The following SENP1 variants were observed in gnomAD, a reference collection of about 807,000 sequenced individuals.
The protein encoded by SENP1 is SUMO specific peptidase 1.
In SENP1, 21 loss-of-function variants were observed where a neutral mutation model predicts 93.0. That is an observed-to-expected ratio of 0.23 (90% confidence interval 0.16 to 0.33). The LOEUF (loss-of-function observed/expected upper bound fraction) is 0.33. SENP1 is among the 10% of genes least tolerant of loss of function. SENP1 has a pLI of 1.00. For synonymous variants in SENP1, 256 were observed against 259.6 expected (o/e 0.99, Z 0.13); for missense variants, 591 against 758.7 (o/e 0.78, Z 2.60).
At chr12:48,049,224 G>T in intron 13 of SENP1, 92 bp from the exon 14 acceptor site, 2 of 905,542 alleles carry the variant, frequency 2.2e-6, no homozygotes, top group Non-Finnish European at 1.8e-6. Flanking sequence ...ATATGTAATT[G>T]TTTCCTAATA....
At chr12:48,095,719 C>T (rs1945514932) in intron 4 of SENP1, among the ~76,000 whole-genome samples, 1 of 152,020 alleles carries the variant, frequency 6.6e-6, no homozygotes, top group Admixed American at 6.6e-5. Flanking sequence ...TTTCTCAAGG[C>T]AGGGGCAGAA....
intron 5 of SENP1, chr12:48,085,006 T>TG (rs1944752274): frequency 1.2e-6 from 1 of 836,858 alleles, no homozygotes; most frequent in Admixed American, 2.9e-5. Flanking sequence ...GTGTTAAGAA[T>TG]GGGGAAATGA....
chr12:48,102,696 T>C (rs780055776), intron 1 of SENP1, among the ~76,000 whole-genome samples: 23 of 151,128 alleles, frequency 1.5e-4, no homozygotes, highest in Admixed American at 3.3e-4. Flanking sequence ...GCATTCTTTG[T>C]GGTCACAATA....
chr12:48,045,402 C>CA lies in SENP1; in HGVS notation c.1873-19dup. On this transcript the variant is annotated intron_variant, in intron 17 of 17. Transcript: ENST00000549518. Reference sequence around the variant, plus strand: ...ATGTGTTGCTGTAGGGACACAGAGACACCCTTAATTTTCAATGCTTTTGTC... The same window carrying CA: ...ATGTGTTGCTGTAGGGACACAGAGACAACCCTTAATTTTCAATGCTTTTGTC... The CA allele has an allele frequency of 1.2e-6, 2 of 1,611,674 alleles. No homozygotes were observed. Among genetic ancestry groups the CA allele is most frequent in the Non-Finnish European group, 1.7e-6 (2 of 1,177,956 alleles).
chr12:48,045,253 A>C lies in SENP1; in HGVS notation c.*69T>G, dbSNP rs1941272350. 4 of 1,351,224 alleles carry C rather than the reference A, an allele frequency of 3.0e-6. No homozygotes were observed. The highest frequency in any genetic ancestry group is 4.2e-6 in the Non-Finnish European group (4 of 946,418). 83.7% of individuals were successfully genotyped at this position (1,351,224 alleles called of 1,614,324 possible). A position where few individuals can be genotyped will look rare whatever the true frequency, so the allele number is the denominator to read the frequency against. ...AGAGGGCTGGGAGCAGCTGTTTCCA[A>C]GGTCTCTGGCTGTAGACAACAAAGA... On this transcript the variant is annotated 3_prime_UTR_variant, in exon 18 of 18. Transcript: ENST00000549518.
intron 10 of SENP1, among the ~76,000 whole-genome samples, chr12:48,066,509 C>T (rs1252672154): frequency 6.6e-6 from 1 of 151,258 alleles, no homozygotes; most frequent in Non-Finnish European, 1.5e-5. Flanking sequence ...TATAAACAGG[C>T]ACTTCTTTTT....
At chr12:48,055,383 C>G (rs1942154298) in intron 13 of SENP1, 1 of 152,476 alleles carries the variant, frequency 6.6e-6, no homozygotes, top group Admixed American at 6.6e-5. Context: ...GCAGGCTCCC[C>G]AAAGATCAGA....
intron 13 of SENP1, 156 bp downstream of exon 13, chr12:48,063,554 A>C (rs1943094960): frequency 8.1e-6 from 5 of 615,418 alleles, no homozygotes; most frequent in Non-Finnish European, 1.3e-5. Context: ...TGTCTCCACC[A>C]CACTCCCTCA....
intron 2 of SENP1, among the ~76,000 whole-genome samples, chr12:48,099,879 A>G (rs1030557287): frequency 3.9e-5 from 6 of 152,236 alleles, no homozygotes; most frequent in African/African-American, 1.2e-4. Context: ...CTTAACAGGT[A>G]TCAGCTCAAT....
In SENP1 at chr12:48,080,827, C is replaced by T. The variant is rs533653671; in HGVS notation, c.552+2764G>A. On this transcript the variant is annotated intron_variant, in intron 6 of 17. Coordinates refer to ENST00000549518, the MANE Select transcript of SENP1 (RefSeq NM_001267594.2). Reference sequence around the variant, plus strand: ...ACTTTCATATTAGGAGAATATAGAACTAAAAACAGGCAAAATTTCCCGCAT... The same window carrying T: ...ACTTTCATATTAGGAGAATATAGAATTAAAAACAGGCAAAATTTCCCGCAT... Among the ~76,000 whole-genome samples, 18 of 152,218 alleles carry T rather than the reference C, an allele frequency of 1.2e-4. No homozygotes were observed. The East Asian group carries it at 3.1e-3, about 26-fold the overall frequency.
intron 6 of SENP1, among the ~76,000 whole-genome samples, chr12:48,077,895 C>T (rs1944211623): frequency 6.6e-6 from 1 of 152,076 alleles, no homozygotes; most frequent in Admixed American, 6.6e-5. Context: ...TCTTTCTGCT[C>T]ATAATTGCCT....
Position 48,065,236 on chromosome 12 carries a change from T to A in SENP1, c.1120-16A>T. 1 of 1,560,262 alleles carries A rather than the reference T, an allele frequency of 6.4e-7. No homozygotes were observed. The highest frequency in any genetic ancestry group is 8.7e-7 in the Non-Finnish European group (1 of 1,148,808). ...CCTGCAATCTCTGAAAGATAAAACT[T>A]CAGAGTAAGTGGGATAAAGAAATCT... is the stretch of plus-strand genomic sequence containing the variant. On this transcript the variant is annotated splice_polypyrimidine_tract_variant and intron_variant, in intron 11 of 17. Transcript: ENST00000549518.
chr12:48,050,768 T>C (rs555663707), intron 13 of SENP1, among the ~76,000 whole-genome samples: 6 of 152,356 alleles, frequency 3.9e-5, no homozygotes, highest in Admixed American at 1.3e-4. Context: ...CTGTAAACTA[T>C]GTTCTCTAAT....
chr12:48,089,934 A>G (rs932136097), intron 4 of SENP1, among the ~76,000 whole-genome samples: 3 of 152,230 alleles, frequency 2.0e-5, no homozygotes, highest in African/African-American at 7.2e-5. Context: ...TATTTAATGT[A>G]TCTTTTCATG....
chr12:48,084,384 T>C (rs1438119349), intron 5 of SENP1, among the ~76,000 whole-genome samples: 1 of 151,982 alleles, frequency 6.6e-6, no homozygotes, highest in African/African-American at 2.4e-5. Context: ...AATTGGCAAA[T>C]TGGCAAGAAG....
intron 4 of SENP1, chr12:48,089,263 C>T (rs1159378522): frequency 7.1e-7 from 1 of 1,402,224 alleles, no homozygotes; most frequent in East Asian, 3.9e-5. Flanking sequence ...TTTACCCCAA[C>T]TATATCTTGC....
intron 13 of SENP1, among the ~76,000 whole-genome samples, chr12:48,050,087 G>A (rs555627258): frequency 1.4e-4 from 21 of 152,216 alleles, no homozygotes; most frequent in African/African-American, 4.6e-4. Context: ...TTATCGTGCC[G>A]GAAGTTACTG....
At chr12:48,084,875 T>C (rs1296920449) in intron 5 of SENP1, among the ~76,000 whole-genome samples, 1 of 152,246 alleles carries the variant, frequency 6.6e-6, no homozygotes, top group East Asian at 1.9e-4. Flanking sequence ...AGCTGAATAT[T>C]CTAAATTCAA....
At chr12:48,048,354 A>G (rs1941533094) in intron 14 of SENP1, among the ~76,000 whole-genome samples, 3 of 152,222 alleles carry the variant, frequency 2.0e-5, no homozygotes, top group Admixed American at 2.0e-4. Context: ...AAAGTGGGCA[A>G]CAGTGAAGAA....
Sources: allele counts gnomAD v4.1 joint callset (sites outside exome capture counted in the v4.1 genomes callset), GRCh38; gene constraint gnomAD v4.1.1; transcripts MANE v1.5; gene names NCBI Gene and HGNC (gene_info 2026-07-23, HGNC 2026-07-21).